Variants in SERHL2 observed in about 807,000 individuals in gnomAD.
SERHL2 encodes the protein serine hydrolase-like protein 2.
A neutral mutation model predicts 25.5 loss-of-function variants in SERHL2; 29 were observed. That is an observed-to-expected ratio of 1.14 (90% CI 0.85 to 1.55). The LOEUF (loss-of-function observed/expected upper bound fraction) is 1.55, where lower values mean the gene tolerates loss of function less well. Ranked by LOEUF, SERHL2 falls within the 40% of genes most tolerant of loss-of-function variation. SERHL2 has a pLI of 0.00. For synonymous variants in SERHL2, 95 were observed against 103.5 expected (o/e 0.92, Z 0.50); for missense variants, 240 against 252.3 (o/e 0.95, Z 0.33).
intron 8 of SERHL2, among the ~76,000 whole-genome samples, chr22:42,564,367 TCTGA>T (rs1923063071): frequency 6.6e-6 from 1 of 151,706 alleles, no homozygotes; most frequent in Non-Finnish European, 1.5e-5. Flanking sequence ...TGGGTCTGTC[TCTGA>T]CTGCCTGTCT....
chr22:42,572,770 C>T (rs1224473953), intron 11 of SERHL2: 4 of 968,966 alleles, frequency 4.1e-6, no homozygotes, highest in African/African-American at 1.8e-5. Flanking sequence ...GTTCAAGCTA[C>T]TCTCGTGCCT....
At chr22:42,572,589 A>C in intron 11 of SERHL2, 60 bp downstream of exon 11, 1 of 1,588,356 alleles carries the variant, frequency 6.3e-7, no homozygotes. Context: ...GTCCCACCTC[A>C]CCCATCTCTT....
intron 8 of SERHL2, chr22:42,563,413 AG>A (rs923494380): frequency 2.3e-6 from 1 of 441,152 alleles, no homozygotes; most frequent in African/African-American, 2.0e-5. Context: ...CATGTTGCCC[AG>A]GCTGGTCTCG....
At position 42,567,160 on chromosome 22, in the gene SERHL2, G is replaced by A. The variant is rs188332127; in HGVS notation, c.648+822G>A. Among the ~76,000 whole-genome samples, 779 of 152,232 alleles carry A rather than the reference G, an allele frequency of 5.1e-3. 4 individuals carry two copies. Among genetic ancestry groups the A allele is most frequent in the African/African-American group, 0.018 (730 of 41,582 alleles). On this transcript the variant is annotated intron_variant, in intron 9 of 11. Transcript: ENST00000327678. ...GAACATTGGACACATGTGAGACACTGTCATTAGAGGTGGGGACGCTCTAAC... is the reference window on the plus strand; with the variant it reads ...GAACATTGGACACATGTGAGACACTATCATTAGAGGTGGGGACGCTCTAAC...
chr22:42,566,740 TGA>T (rs1923446365), intron 9 of SERHL2, among the ~76,000 whole-genome samples: 1 of 151,880 alleles, frequency 6.6e-6, no homozygotes, highest in Non-Finnish European at 1.5e-5. Context: ...GTGCATCTGT[TGA>T]GAGGGGGATT....
chr22:42,572,390 C>T (rs572427847), intron 10 of SERHL2, 46 bp from the exon 11 acceptor site: 67 of 1,410,762 alleles, frequency 4.7e-5, no homozygotes, highest in South Asian at 3.3e-4. Flanking sequence ...CGCTGGGAGG[C>T]GGTTCTAAGA....
chr22:42,563,421 C>A (rs933566717), intron 8 of SERHL2: 2 of 441,620 alleles, frequency 4.5e-6, no homozygotes, highest in Admixed American at 2.5e-5. Context: ...CCAGGCTGGT[C>A]TCGAACTCCT....
At position 42,554,053 on chromosome 22, in the gene SERHL2, G is replaced by A; in HGVS notation, c.22+11G>A. 5 of 1,613,172 alleles carry A rather than the reference G, an allele frequency of 3.1e-6. No individual in the cohort carries two copies. The highest frequency in any genetic ancestry group is 1.1e-5 in the South Asian group (1 of 90,968). ...AGAACGCCGCACCAGGTCTGACGGG[G>A]AGGCCTTGTGCGAGCGTCCCACTGC... On this transcript the variant is annotated intron_variant, in intron 1 of 11. Transcript: ENST00000327678.
At chr22:42,567,581 G>A (rs1009753123) in intron 9 of SERHL2, among the ~76,000 whole-genome samples, 5 of 151,474 alleles carry the variant, frequency 3.3e-5, no homozygotes, top group Non-Finnish European at 7.4e-5. Context: ...GGAGAATGGC[G>A]TGAACCCGGG....
In SERHL2 at chr22:42,572,080, A is replaced by C. The variant is rs1924302907; in HGVS notation, c.732-356A>C. On this transcript the variant is annotated intron_variant, in intron 10 of 11. Coordinates refer to ENST00000327678, the MANE Select transcript of SERHL2 (RefSeq NM_014509.5). The stretch of plus-strand genomic sequence containing the variant: ...ATTAAAAACCACAGAATTGTAGACT[A>C]TCAACGGGAGGATTGTGAAGACATA... Among the ~76,000 whole-genome samples the C allele has an allele frequency of 2.0e-5, 3 of 152,194 alleles. 1 individual carries two copies. The highest frequency in any genetic ancestry group is 6.5e-5 in the Admixed American group (1 of 15,296).
intron 8 of SERHL2, chr22:42,563,470 G>A: frequency 2.3e-6 from 1 of 441,804 alleles, no homozygotes; most frequent in South Asian, 1.6e-5. Context: ...TCCCAAAATG[G>A]TAGGATTACA....
At chr22:42,559,319 G>T (rs145384589) in intron 7 of SERHL2, among the ~76,000 whole-genome samples, 2,353 of 150,264 alleles carry the variant, frequency 0.016, 51 homozygotes, top group African/African-American at 0.055. Flanking sequence ...GTTGGGAGGA[G>T]TGCTTAGCCC....
chr22:42,565,834 A>G lies in SERHL2; in HGVS notation c.614-470A>G, dbSNP rs115768806. Reference sequence around the variant, plus strand: ...CAAGAAAATCTTGTTGGTATATCATATATGTATGGTTTTTTAGTGGTTTTT... The same window carrying G: ...CAAGAAAATCTTGTTGGTATATCATGTATGTATGGTTTTTTAGTGGTTTTT... On this transcript the variant is annotated intron_variant, in intron 8 of 11. Coordinates refer to ENST00000327678, the MANE Select transcript of SERHL2 (RefSeq NM_014509.5). 2.2e-3 allele frequency among the ~76,000 whole-genome samples: 335 copies of G among 151,798 alleles called. 2 individuals carry two copies. The highest frequency in any genetic ancestry group is 7.7e-3 in the African/African-American group (318 of 41,430).
At chr22:42,566,450 C>T (rs1923399893) in intron 9 of SERHL2, 112 bp downstream of exon 9, 14 of 1,057,454 alleles carry the variant, frequency 1.3e-5, no homozygotes, top group East Asian at 7.4e-5. Flanking sequence ...CCCAGCTACT[C>T]AGGAGGCTGA....
intron 1 of SERHL2, among the ~76,000 whole-genome samples, chr22:42,554,328 G>A (rs965652732): frequency 1.4e-4 from 21 of 152,142 alleles, no homozygotes; most frequent in African/African-American, 4.8e-4. Flanking sequence ...AGACGGAGGA[G>A]GCTGCCAGAT....
chr22:42,571,048 C>A, intron 9 of SERHL2, 73 bp from the exon 10 acceptor site: 1 of 1,606,304 alleles, frequency 6.2e-7, no homozygotes, highest in Admixed American at 1.7e-5. Context: ...GCCACCCCAA[C>A]AGAGATGGGT....
At chr22:42,560,963 C>G (rs745729798) in intron 8 of SERHL2, among the ~76,000 whole-genome samples, 14 of 151,802 alleles carry the variant, frequency 9.2e-5, no homozygotes, top group Non-Finnish European at 1.6e-4. Context: ...TGAGCAAGAG[C>G]CGACTGTCCC....
intron 11 of SERHL2, 162 bp from the exon 12 acceptor site, chr22:42,573,774 T>C: frequency 1.4e-6 from 1 of 736,890 alleles, no homozygotes; most frequent in Non-Finnish European, 2.3e-6. Context: ...TGCTATGGAC[T>C]GTCGGGGCTC....
intron 8 of SERHL2, among the ~76,000 whole-genome samples, chr22:42,564,169 G>T (rs1158454279): frequency 1.3e-5 from 2 of 151,524 alleles, no homozygotes; most frequent in Non-Finnish European, 2.9e-5. Flanking sequence ...ATTATTTTGG[G>T]TCTAGCACTA....
Sources: gnomAD v4.1 joint callset for allele counts (sites outside exome capture counted in the v4.1 genomes callset) on GRCh38, gnomAD v4.1.1 for gene constraint, MANE v1.5 for transcripts, NCBI Gene and HGNC (gene_info 2026-07-23, HGNC 2026-07-21) for gene names.